The following ISY1 variants were observed in gnomAD, a reference collection of about 807,000 sequenced individuals.
The protein encoded by ISY1 is pre-mRNA-splicing factor ISY1 homolog.
Under a neutral mutation model 54.4 loss-of-function variants are expected in ISY1, and 12 were observed. The observed-to-expected ratio is 0.22, with a 90% confidence interval of 0.14 to 0.36. The LOEUF (loss-of-function observed/expected upper bound fraction) is 0.36. ISY1 is among the 10% of genes least tolerant of loss of function. ISY1 has a pLI of 1.00. For missense variants in ISY1, 282 were observed against 342.2 expected (o/e 0.82, Z 1.39); for synonymous variants, 96 against 117.9 (o/e 0.81, Z 1.20).
At chr3:129,134,791 C>T (rs759826538) in intron 8 of ISY1, 41 bp downstream of exon 8, 3 of 1,571,386 alleles carry the variant, frequency 1.9e-6, no homozygotes, top group Non-Finnish European at 2.6e-6. Context: ...CAACAGAAAA[C>T]AGATGCCATC....
rs968213481 is a variant in ISY1 at position 129,130,547 on chromosome 3, T to C, written c.750+3A>G. Reference sequence around the variant, plus strand: ...CCCAGGCAGCTCTTAGCTGTGGTCCTACCTCTTGCTGCGAGGGAACAGGGA... The same window carrying C: ...CCCAGGCAGCTCTTAGCTGTGGTCCCACCTCTTGCTGCGAGGGAACAGGGA... On this transcript the variant is annotated splice_donor_region_variant and intron_variant, in intron 10 of 10. Transcript: ENST00000393295. 6.2e-7 allele frequency: 1 copy of C among 1,614,082 alleles called. No individual in the cohort carries two copies. Among genetic ancestry groups the C allele is most frequent in the Non-Finnish European group, 8.5e-7 (1 of 1,179,980 alleles).
intron 5 of ISY1, among the ~76,000 whole-genome samples, chr3:129,149,805 A>AAAAAAAAAAAAAAAG (rs1553783043): frequency 8.3e-5 from 5 of 60,010 alleles, no homozygotes; most frequent in Admixed American, 2.4e-4. Flanking sequence ...AAAAAAAAAA[A>AAAAAAAAAAAAAAAG]AAAGAAAGAA....
intron 5 of ISY1, among the ~76,000 whole-genome samples, chr3:129,155,048 C>T (rs1197137580): frequency 1.3e-5 from 2 of 151,822 alleles, no homozygotes; most frequent in Admixed American, 6.6e-5. Flanking sequence ...ATCTTGTTTT[C>T]AATGCTATTG....
At chr3:129,149,608 AAAATATATATATAT>A (rs1936883370) in intron 5 of ISY1, among the ~76,000 whole-genome samples, 1 of 67,478 alleles carries the variant, frequency 1.5e-5, no homozygotes, top group South Asian at 6.3e-4. Context: ...AAAAAAAAAA[AAAATATATATATAT>A]ATATATATAT....
At chr3:129,139,468 T>C (rs545475431) in intron 7 of ISY1, among the ~76,000 whole-genome samples, 49 of 152,268 alleles carry the variant, frequency 3.2e-4, no homozygotes, top group African/African-American at 1.1e-3. Context: ...GCATCATTCT[T>C]CTCTGCCTCT....
chr3:129,140,535 GTTA>G (rs1560016792), intron 6 of ISY1, 50 bp from the exon 7 acceptor site: 5 of 1,513,470 alleles, frequency 3.3e-6, no homozygotes, highest in Non-Finnish European at 4.5e-6. Flanking sequence ...TAGTTAGTTA[GTTA>G]TTATTTATTT....
chr3:129,151,647 T>C (rs781406732), intron 5 of ISY1, among the ~76,000 whole-genome samples: 13 of 152,084 alleles, frequency 8.5e-5, no homozygotes, highest in Admixed American at 2.6e-4. Flanking sequence ...GAAAATTATA[T>C]AGGATTTTCT....
intron 5 of ISY1, among the ~76,000 whole-genome samples, chr3:129,154,996 G>C (rs1010654111): frequency 6.6e-6 from 1 of 151,504 alleles, no homozygotes; most frequent in African/African-American, 2.4e-5. Context: ...CAATTTTATT[G>C]ATCTTTTCAA....
intron 7 of ISY1, among the ~76,000 whole-genome samples, chr3:129,136,374 T>C (rs961526227): frequency 6.6e-5 from 10 of 152,196 alleles, no homozygotes; most frequent in Non-Finnish European, 1.5e-4. Flanking sequence ...AGTGCTAAGA[T>C]TATAGGTGTG....
chr3:129,138,006 G>A (rs1241820568), intron 7 of ISY1, among the ~76,000 whole-genome samples: 1 of 149,454 alleles, frequency 6.7e-6, no homozygotes, highest in African/African-American at 2.5e-5. Context: ...ACTGGGCACA[G>A]TGGCTCACGC....
chr3:129,140,346 A>C (rs754692121), intron 7 of ISY1, 22 bp downstream of exon 7: 1 of 1,501,776 alleles, frequency 6.7e-7, no homozygotes, highest in African/African-American at 2.1e-5. Context: ...TGAAAGGCTA[A>C]AACTGTCACA....
chr3:129,134,733 C>T (rs1936339894), intron 8 of ISY1, 99 bp downstream of exon 8: 2 of 1,432,096 alleles, frequency 1.4e-6, no homozygotes, highest in Non-Finnish European at 1.9e-6. Context: ...ACAAAGAAAA[C>T]TCCCTTCTGG....
intron 6 of ISY1, among the ~76,000 whole-genome samples, chr3:129,142,241 C>T (rs1293145327): frequency 6.7e-6 from 1 of 148,944 alleles, no homozygotes; most frequent in African/African-American, 2.5e-5. Context: ...TTGACAACTA[C>T]ATGTAGTATG....
At chr3:129,156,323 C>T (rs1246924908) in intron 5 of ISY1, among the ~76,000 whole-genome samples, 2 of 148,040 alleles carry the variant, frequency 1.4e-5, no homozygotes, top group African/African-American at 5.0e-5. Flanking sequence ...GGCGTGAACC[C>T]AGGAGGCTGA....
intron 7 of ISY1, among the ~76,000 whole-genome samples, chr3:129,139,437 C>T (rs1202024671): frequency 1.3e-5 from 2 of 152,058 alleles, no homozygotes; most frequent in South Asian, 2.1e-4. Context: ...TAACAAAATG[C>T]TAATAATGGT....
At chr3:129,159,010 T>C in intron 2 of ISY1, 144 bp downstream of exon 2, 2 of 1,092,848 alleles carry the variant, frequency 1.8e-6, no homozygotes, top group Non-Finnish European at 2.7e-6. Flanking sequence ...AGGAATGTTT[T>C]TGCATATGTA....
At position 129,134,897 on chromosome 3, in the gene ISY1, T is replaced by A; in HGVS notation, c.476A>T (p.Tyr159Phe). ...AELMKAIDFEYYGYLDEDDGV... is the reference protein window; with the variant it reads ...AELMKAIDFEFYGYLDEDDGV... ...ATCATCTTCATCTAGGTAACCATAG[T>A]ACTCAAAATCGATTGCCTTCATGAG... The change falls in exon 8 of 11, where the codon TAC becomes TTC. Residue 159 changes from tyrosine to phenylalanine, a missense_variant. Transcript: ENST00000393295. 6.2e-7 allele frequency: 1 copy of A among 1,611,814 alleles called. No individual in the cohort carries two copies. The highest frequency in any genetic ancestry group is 8.5e-7 in the Non-Finnish European group (1 of 1,178,422).
chr3:129,160,977 G>A lies in ISY1; in HGVS notation c.-2C>T, dbSNP rs943093539. 4.3e-6 allele frequency: 5 copies of A among 1,173,332 alleles called. No individual in the cohort carries two copies. In the African/African-American group the frequency reaches 1.2e-4, roughly 28 times the overall value. 72.7% of individuals were successfully genotyped at this position (1,173,332 alleles called of 1,614,324 possible). A position where few individuals can be genotyped will look rare whatever the true frequency, so the allele number is the denominator to read the frequency against. ...TCACCCGCCCACCCTACTCACCATG[G>A]TGTCGCTAAGGGCGCCGTCCTGGAG... On this transcript the variant is annotated 5_prime_UTR_variant, in exon 1 of 11. Transcript: ENST00000393295.
intron 2 of ISY1, 73 bp from the exon 3 acceptor site, chr3:129,158,632 G>T: frequency 6.3e-7 from 1 of 1,591,530 alleles, no homozygotes; most frequent in Non-Finnish European, 8.6e-7. Flanking sequence ...CCATGTTCCT[G>T]TATGGGGTAG....
Sources: allele counts gnomAD v4.1 joint callset (sites outside exome capture counted in the v4.1 genomes callset), GRCh38; gene constraint gnomAD v4.1.1; transcripts MANE v1.5; gene names NCBI Gene and HGNC (gene_info 2026-07-23, HGNC 2026-07-21).